CNR2: variants seen among roughly 807,000 people sequenced by gnomAD.
CNR2 encodes cannabinoid receptor 2.
For synonymous variants in CNR2, 172 were observed against 182.2 expected (o/e 0.94, Z 0.45); for missense variants, 379 against 439.9 (o/e 0.86, Z 1.24).
chr1:23,872,331 G>C lies in CNR2; in HGVS notation c.*2204C>G, dbSNP rs1247841156. On this transcript the variant is annotated 3_prime_UTR_variant, in exon 2 of 2. Transcript: ENST00000374472. ...CTACCACATCTTGATTTTGACTTCT[G>C]GCCTCCAGAATTATGAGACAGTAAA... 6.6e-6 allele frequency: 1 copy of C among 151,700 alleles called. No homozygotes were observed. The highest frequency in any genetic ancestry group is 1.9e-4 in the East Asian group (1 of 5,168). The allele number at this position is 151,700 out of a possible 1,614,324, so 9.4% of individuals were successfully genotyped here.
rs1570698468 is a variant in CNR2, at chr1:23,875,015, G to A, written c.603C>T (p.Leu201=). The stretch of plus-strand genomic sequence containing the variant: ...CATAGGTGTAGATGATTCCGGAAAA[G>A]AGGAAGGCGATGAACAGGAGCCAGC... The part of the protein sequence containing the change: ...LLSWLLFIAF[L]FSGIIYTYGH... The change falls in exon 2 of 2, where the codon CTC becomes CTT. Residue 201 remains leucine, a synonymous_variant. Transcript: ENST00000374472. 6.2e-7 allele frequency: 1 copy of A among 1,609,296 alleles called. No homozygotes were observed. The highest frequency in any genetic ancestry group is 2.2e-5 in the East Asian group (1 of 44,840).
At position 23,872,143 on chromosome 1, in the gene CNR2, A is replaced by AAG. The variant is rs1254456210; in HGVS notation, c.*2391_*2392insCT. 6.7e-6 allele frequency: 1 copy of AAG among 150,046 alleles called. No individual in the cohort carries two copies. The highest frequency in any genetic ancestry group is 6.7e-5 in the Admixed American group (1 of 15,030). The allele number at this position is 150,046 out of a possible 1,614,324, so 9.3% of individuals were successfully genotyped here. A position where few individuals can be genotyped will look rare whatever the true frequency, so the allele number is the denominator to read the frequency against. On this transcript the variant is annotated 3_prime_UTR_variant, in exon 2 of 2. Coordinates refer to ENST00000374472, the MANE Select transcript of CNR2 (RefSeq NM_001841.3). ...ATGAGATTCCGTCTCAAAAAAAAAAAAAAAAAAAAAAAAGACACCAAGAGA... is the reference window on the plus strand; with the variant it reads ...ATGAGATTCCGTCTCAAAAAAAAAAAAGAAAAAAAAAAAAAGACACCAAGAGA...
intron 1 of CNR2, among the ~76,000 whole-genome samples, chr1:23,889,807 C>T (rs771387529): frequency 4.6e-5 from 7 of 152,224 alleles, no homozygotes; most frequent in Non-Finnish European, 8.8e-5. Context: ...TACTGCACCT[C>T]TCTGAGCCTC....
chr1:23,875,020 A>G lies in CNR2; in HGVS notation c.598T>C (p.Phe200Leu). The change falls in exon 2 of 2, where the codon TTC becomes CTC. Residue 200 changes from phenylalanine to leucine, a missense_variant. Phe to Leu is a conservative substitution (Grantham distance 22). Transcript: ENST00000374472. The part of the protein sequence containing the change: ...YLLSWLLFIA[F>L]LFSGIIYTYG... Reference sequence around the variant, plus strand: ...GTGTAGATGATTCCGGAAAAGAGGAAGGCGATGAACAGGAGCCAGCTCAGC... The same window carrying G: ...GTGTAGATGATTCCGGAAAAGAGGAGGGCGATGAACAGGAGCCAGCTCAGC... The G allele has an allele frequency of 6.2e-7, 1 of 1,609,274 alleles. No individual in the cohort carries two copies. Among genetic ancestry groups the G allele is most frequent in the Non-Finnish European group, 8.5e-7 (1 of 1,177,682 alleles).
At chr1:23,902,240 C>T in intron 1 of CNR2, 1 of 1,353,854 alleles carries the variant, frequency 7.4e-7, no homozygotes, top group Non-Finnish European at 1.0e-6. Context: ...CAATGATCTC[C>T]AACGTCTGCC....
chr1:23,890,502 T>C (rs1281580676), intron 1 of CNR2, among the ~76,000 whole-genome samples: 1 of 151,748 alleles, frequency 6.6e-6, no homozygotes. Context: ...TCCCAGCACT[T>C]TGGGAGGCCG....
chr1:23,902,899 G>T (rs1391033105), intron 1 of CNR2, among the ~76,000 whole-genome samples: 1 of 151,130 alleles, frequency 6.6e-6, no homozygotes, highest in Non-Finnish European at 1.5e-5. Context: ...TGGCGGGGAC[G>T]TAGAGCTCCG....
chr1:23,881,489 T>C (rs973263100), intron 1 of CNR2, among the ~76,000 whole-genome samples: 1 of 148,826 alleles, frequency 6.7e-6, no homozygotes, highest in African/African-American at 2.5e-5. Flanking sequence ...GCTACTGAGG[T>C]GGTTGAGGCA....
chr1:23,892,685 C>T (rs1640209980), intron 1 of CNR2, among the ~76,000 whole-genome samples: 1 of 152,078 alleles, frequency 6.6e-6, no homozygotes, highest in Non-Finnish European at 1.5e-5. Flanking sequence ...TTTTAACTGC[C>T]CCAATTTATA....
Position 23,874,983 on chromosome 1 carries a change from A to T in CNR2, c.635T>A (p.Val212Asp), listed in dbSNP as rs1639843340. The change falls in exon 2 of 2, where the codon GTT (valine) becomes GAT (aspartate). Residue 212 changes from valine (V) to aspartate (D), a missense_variant. Coordinates refer to ENST00000374472, the MANE Select transcript of CNR2 (RefSeq NM_001841.3). ...FSGIIYTYGH[V>D]LWKAHQHVAS... ...CACATGCTGATGGGCCTTCCAGAGAACATGCCCATAGGTGTAGATGATTCC... is the reference window on the plus strand; with the variant it reads ...CACATGCTGATGGGCCTTCCAGAGATCATGCCCATAGGTGTAGATGATTCC... 3 of 1,610,178 alleles carry T rather than the reference A, an allele frequency of 1.9e-6. No individual in the cohort carries two copies. In the South Asian group the frequency reaches 3.3e-5, roughly 18 times the overall value.
chr1:23,881,202 G>A (rs1034273568), intron 1 of CNR2, among the ~76,000 whole-genome samples: 7 of 151,928 alleles, frequency 4.6e-5, no homozygotes, highest in African/African-American at 1.4e-4. Flanking sequence ...CTTGAACCCA[G>A]GAGGCGGAGT....
Position 23,874,297 on chromosome 1 carries a change from T to G in CNR2, c.*238A>C. ...CTTGTACTGACCCTGTCCCAGGCCT[T>G]TTGTGTCTCGCCTACCTGGCTACTC... On this transcript the variant is annotated 3_prime_UTR_variant, in exon 2 of 2. Transcript: ENST00000374472. 8.2e-6 allele frequency: 4 copies of G among 486,288 alleles called. No individual in the cohort carries two copies. The highest frequency in any genetic ancestry group is 1.1e-5 in the Non-Finnish European group (3 of 267,676). The allele number at this position is 486,288 out of a possible 1,614,324, so 30.1% of individuals were successfully genotyped here. A position where few individuals can be genotyped will look rare whatever the true frequency, so the allele number is the denominator to read the frequency against.
intron 1 of CNR2, among the ~76,000 whole-genome samples, chr1:23,899,341 T>G (rs1241425397): frequency 6.6e-6 from 1 of 152,118 alleles, no homozygotes; most frequent in African/African-American, 2.4e-5. Context: ...GAGATCTAAC[T>G]TAACTGACTC....
chr1:23,903,186 C>A (rs1246590860), intron 1 of CNR2, among the ~76,000 whole-genome samples: 1 of 152,086 alleles, frequency 6.6e-6, no homozygotes, highest in Non-Finnish European at 1.5e-5. Flanking sequence ...CCGGGCCAGG[C>A]CTGGCCGCAG....
chr1:23,901,447 C>T, intron 1 of CNR2: 1 of 1,528,732 alleles, frequency 6.5e-7, no homozygotes, highest in Non-Finnish European at 8.8e-7. Flanking sequence ...CACTCGCCGA[C>T]CTGCTGCAGC....
intron 1 of CNR2, among the ~76,000 whole-genome samples, chr1:23,910,812 C>T (rs1309053276): frequency 6.6e-6 from 1 of 152,062 alleles, no homozygotes; most frequent in Middle Eastern, 3.2e-3. Flanking sequence ...GGTGATGTAA[C>T]TTGCCCCAGG....
chr1:23,878,333 G>A (rs1639924854), intron 1 of CNR2, among the ~76,000 whole-genome samples: 1 of 151,862 alleles, frequency 6.6e-6, no homozygotes, highest in Non-Finnish European at 1.5e-5. Flanking sequence ...CCATTGCACT[G>A]CAGCCTGGGC....
chr1:23,878,002 C>T (rs1639918001), intron 1 of CNR2, among the ~76,000 whole-genome samples: 1 of 150,654 alleles, frequency 6.6e-6, no homozygotes, highest in South Asian at 2.1e-4. Flanking sequence ...AAATTTCTCA[C>T]AATGCAGAAC....
intron 1 of CNR2, among the ~76,000 whole-genome samples, chr1:23,905,581 G>A (rs1266198315): frequency 6.6e-6 from 1 of 151,916 alleles, no homozygotes; most frequent in Non-Finnish European, 1.5e-5. Flanking sequence ...TCTGTAGTTG[G>A]GGAAACCAGC....
Sources: allele counts gnomAD v4.1 joint callset (sites outside exome capture counted in the v4.1 genomes callset), GRCh38; gene constraint gnomAD v4.1.1; transcripts MANE v1.5; gene names NCBI Gene and HGNC (gene_info 2026-07-23, HGNC 2026-07-21).